The following MUSK variants were observed in gnomAD, a reference collection of about 807,000 sequenced individuals.
The protein encoded by MUSK is muscle, skeletal receptor tyrosine-protein kinase.
Under a neutral mutation model 88.7 loss-of-function variants are expected in MUSK, and 55 were observed. That is an observed-to-expected ratio of 0.62 (90% CI 0.50 to 0.78). The LOEUF (loss-of-function observed/expected upper bound fraction) is 0.78, where lower values mean the gene tolerates loss of function less well. MUSK is among the 30% of genes least tolerant of loss of function. The pLI is 0.00. For missense variants in MUSK, 1,015 were observed against 1,074.3 expected (o/e 0.94, Z 0.77); for synonymous variants, 387 against 391.9 (o/e 0.99, Z 0.15).
chr9:110,708,252 C>T (rs549715251), intron 5 of MUSK, among the ~76,000 whole-genome samples: 9 of 152,098 alleles, frequency 5.9e-5, no homozygotes, highest in Admixed American at 1.3e-4. Context: ...CTTGTTGCAT[C>T]TACAAAAGTG....
chr9:110,742,786 A>G (rs956425758), intron 6 of MUSK, among the ~76,000 whole-genome samples: 15 of 152,238 alleles, frequency 9.9e-5, no homozygotes, highest in Admixed American at 7.2e-4. Flanking sequence ...ACTTTCATCC[A>G]GGAAGAAAGC....
In MUSK at chr9:110,728,834, T is replaced by C. The variant is rs2076923841; in HGVS notation, c.629-5417T>C. 6.8e-6 allele frequency: 5 copies of C among 733,902 alleles called. No individual in the cohort carries two copies. The Admixed American group carries it at 1.4e-4, about 20-fold the overall frequency. The allele number at this position is 733,902 out of a possible 1,614,324, so 45.5% of individuals were successfully genotyped here. A position where few individuals can be genotyped will look rare whatever the true frequency, so the allele number is the denominator to read the frequency against. ...CCATTTTTAAAGAAATAACAAACAATGTATGGGGAATATTAAGTCACAGCA... is the reference window on the plus strand; with the variant it reads ...CCATTTTTAAAGAAATAACAAACAACGTATGGGGAATATTAAGTCACAGCA... On this transcript the variant is annotated intron_variant, in intron 5 of 14. Coordinates refer to ENST00000374448, the MANE Select transcript of MUSK (RefSeq NM_005592.4).
Position 110,681,072 on chromosome 9 carries a change from TATATATATTATATA to T in MUSK, c.80-1573_80-1560del, listed in dbSNP as rs1446847846. On this transcript the variant is annotated intron_variant, in intron 1 of 14. Transcript: ENST00000374448. ...ATATTATATATTATATATATAATAT[TATATATATTATATA>T]ATATATATTATATAATATATATTAT... 2.8e-3 allele frequency among the ~76,000 whole-genome samples: 72 copies of T among 25,436 alleles called. 6 individuals are homozygous for T. The highest frequency in any genetic ancestry group is 3.8e-3 in the Non-Finnish European group (61 of 16,070). The allele number at this position is 25,436 out of a possible 152,430, so 16.7% of individuals were successfully genotyped here.
chr9:110,762,476 C>T (rs975223165), intron 8 of MUSK, among the ~76,000 whole-genome samples: 1 of 152,032 alleles, frequency 6.6e-6, no homozygotes. Flanking sequence ...TACTATGGAT[C>T]GGGCACTGTG....
intron 1 of MUSK, among the ~76,000 whole-genome samples, chr9:110,680,911 G>A (rs1321073084): frequency 7.2e-5 from 8 of 110,872 alleles, no homozygotes; most frequent in Admixed American, 4.4e-4. Context: ...GTCCATGTCT[G>A]TATTTCTTTG....
chr9:110,676,430 G>A (rs1037369540), intron 1 of MUSK, among the ~76,000 whole-genome samples: 1 of 143,210 alleles, frequency 7.0e-6, no homozygotes, highest in African/African-American at 2.6e-5. Context: ...TACAAGTGCA[G>A]GATGTGCAGT....
intron 5 of MUSK, among the ~76,000 whole-genome samples, chr9:110,729,326 TAA>T (rs34882321): frequency 0.26 from 24,775 of 95,582 alleles, 2,848 homozygotes; most frequent in African/African-American, 0.3. Flanking sequence ...CTGTTTTCTG[TAA>T]AAAAAAAAAA....
At chr9:110,758,732 C>T (rs1372987922) in intron 7 of MUSK, among the ~76,000 whole-genome samples, 1 of 152,098 alleles carries the variant, frequency 6.6e-6, no homozygotes, top group Non-Finnish European at 1.5e-5. Flanking sequence ...TTTCAGGGTA[C>T]AAAATTAATG....
intron 3 of MUSK, among the ~76,000 whole-genome samples, chr9:110,689,237 A>G (rs1289422323): frequency 3.7e-5 from 2 of 53,870 alleles, no homozygotes; most frequent in South Asian, 3.9e-4. Context: ...ATAAATATAT[A>G]AATATATAAA....
intron 5 of MUSK, among the ~76,000 whole-genome samples, chr9:110,713,491 C>T (rs936103202): frequency 6.6e-6 from 1 of 152,050 alleles, no homozygotes; most frequent in Admixed American, 6.6e-5. Context: ...AGCTCCTGGC[C>T]TCAAGTGATC....
At chr9:110,681,730 AAATAAT>A (rs1162912079) in intron 1 of MUSK, among the ~76,000 whole-genome samples, 7 of 151,968 alleles carry the variant, frequency 4.6e-5, no homozygotes, top group East Asian at 3.9e-4. Flanking sequence ...CTTTACCAAA[AAATAAT>A]AATAATAATA....
At chr9:110,767,618 A>G (rs1198946793) in intron 8 of MUSK, among the ~76,000 whole-genome samples, 3 of 152,136 alleles carry the variant, frequency 2.0e-5, no homozygotes, top group Non-Finnish European at 4.4e-5. Context: ...GGCCTTCTCA[A>G]TAGCCCTGTG....
intron 1 of MUSK, among the ~76,000 whole-genome samples, chr9:110,682,367 T>C (rs966098123): frequency 8.0e-6 from 1 of 124,866 alleles, no homozygotes; most frequent in Admixed American, 7.6e-5. Context: ...TATTCATAAT[T>C]TTATATTTTT....
intron 1 of MUSK, among the ~76,000 whole-genome samples, chr9:110,680,383 C>CTTTTTTTTTTTTT (rs11461650): frequency 2.8e-5 from 4 of 141,634 alleles, no homozygotes; most frequent in Non-Finnish European, 6.1e-5. Context: ...TTCTTTTTTT[C>CTTTTTTTTTTTTT]TTTTTTTTTT....
rs2076108938 is a variant in MUSK at position 110,681,036 on chromosome 9, TTATATAA to T, written c.80-1631_80-1625del. Among the ~76,000 whole-genome samples the T allele has an allele frequency of 8.9e-5, 3 of 33,838 alleles. 1 individual carries two copies. Among genetic ancestry groups the T allele is most frequent in the Admixed American group, 3.9e-4 (1 of 2,584 alleles). 22.2% of individuals were successfully genotyped at this position (33,838 alleles called of 152,430 possible). The stretch of plus-strand genomic sequence containing the variant: ...TATAATATATATTATATATTATATA[TTATATAA>T]TATATATTATATATTATATATATAA... On this transcript the variant is annotated intron_variant, in intron 1 of 14. Coordinates refer to ENST00000374448, the MANE Select transcript of MUSK (RefSeq NM_005592.4).
intron 1 of MUSK, among the ~76,000 whole-genome samples, chr9:110,670,057 T>C (rs952761501): frequency 3.3e-5 from 5 of 150,406 alleles, no homozygotes; most frequent in Non-Finnish European, 7.4e-5. Context: ...AAAGTTCACA[T>C]GCAAATAAGA....
chr9:110,734,172 A>G, intron 5 of MUSK, 79 bp from the exon 6 acceptor site: 12 of 1,467,056 alleles, frequency 8.2e-6, no homozygotes, highest in Non-Finnish European at 1.1e-5. Flanking sequence ...AACATGGTCT[A>G]ATTTGCATTT....
Position 110,747,746 on chromosome 9 carries a change from A to G in MUSK, c.859A>G (p.Lys287Glu). The part of the protein sequence containing the change: ...PGLYTCIATN[K>E]HGEKFSTAKA... ...ACTCTACACATGCATAGCTACCAAT[A>G]AGCATGGGGAGAAGTTCAGTACTGC... Residue 287 changes from lysine (K) to glutamate (E), a missense_variant, in exon 7 of 15, where the codon AAG (lysine) becomes GAG (glutamate). By Grantham distance (56) the Lys-to-Glu change is moderately conservative. Transcript: ENST00000374448. 1 of 1,613,864 alleles carries G rather than the reference A, an allele frequency of 6.2e-7. No individual in the cohort carries two copies. The highest frequency in any genetic ancestry group is 8.5e-7 in the Non-Finnish European group (1 of 1,179,804).
At chr9:110,722,504 T>C (rs1449399376) in intron 5 of MUSK, among the ~76,000 whole-genome samples, 1 of 151,498 alleles carries the variant, frequency 6.6e-6, no homozygotes, top group Non-Finnish European at 1.5e-5. Context: ...CACTCCAGCC[T>C]GGGCAACAGA....
Sources: gnomAD v4.1 joint callset for allele counts (sites outside exome capture counted in the v4.1 genomes callset) on GRCh38, gnomAD v4.1.1 for gene constraint, MANE v1.5 for transcripts, NCBI Gene and HGNC (gene_info 2026-07-23, HGNC 2026-07-21) for gene names.